KCNQ3: variants seen among roughly 807,000 people sequenced by gnomAD.
The protein encoded by KCNQ3 is potassium voltage-gated channel subfamily KQT member 3.
KCNQ3 carries 30 observed loss-of-function variants against 92.5 expected under a neutral mutation model. The ratio of observed to expected loss-of-function variants is 0.32; its 90% CI spans 0.24 to 0.44. KCNQ3 has a LOEUF of 0.44. KCNQ3 is among the 20% of genes least tolerant of loss of function. KCNQ3 has a pLI of 1.00. For synonymous variants in KCNQ3, 450 were observed against 468.8 expected, an observed-to-expected ratio of 0.96 and a Z score of 0.52; for missense variants, 913 against 1,140.3, an observed-to-expected ratio of 0.80 and a Z score of 2.87.
intron 1 of KCNQ3, among the ~76,000 whole-genome samples, chr8:132,204,910 C>G (rs1272593236): frequency 6.6e-6 from 1 of 152,214 alleles, no homozygotes; most frequent in Non-Finnish European, 1.5e-5. Context: ...ATCACCCCCT[C>G]TCTGTTTTCT....
At chr8:132,388,572 T>C (rs1015429148) in intron 1 of KCNQ3, among the ~76,000 whole-genome samples, 4 of 152,190 alleles carry the variant, frequency 2.6e-5, no homozygotes, top group Non-Finnish European at 5.9e-5. Context: ...ATGTTGCCAG[T>C]AGCATGTATA....
intron 9 of KCNQ3, among the ~76,000 whole-genome samples, chr8:132,151,035 G>T (rs1278926754): frequency 1.3e-5 from 2 of 152,126 alleles, no homozygotes; most frequent in Admixed American, 1.3e-4. Flanking sequence ...ATATAAATAG[G>T]TGGACTAAAT....
At chr8:132,183,988 A>G (rs928780326) in intron 3 of KCNQ3, among the ~76,000 whole-genome samples, 1 of 152,070 alleles carries the variant, frequency 6.6e-6, no homozygotes, top group African/African-American at 2.4e-5. Context: ...CCCAATTGCC[A>G]AGAGTGACAC....
chr8:132,394,292 A>C (rs1363803439), intron 1 of KCNQ3, among the ~76,000 whole-genome samples: 1 of 152,200 alleles, frequency 6.6e-6, no homozygotes, highest in Non-Finnish European at 1.5e-5. Context: ...GGGACTCAGG[A>C]AAGCTGAGTT....
At chr8:132,132,792 A>G (rs927110677) in intron 13 of KCNQ3, among the ~76,000 whole-genome samples, 1 of 152,218 alleles carries the variant, frequency 6.6e-6, no homozygotes, top group Non-Finnish European at 1.5e-5. Context: ...TGGAATTGAA[A>G]TGTGTGCTGA....
intron 1 of KCNQ3, among the ~76,000 whole-genome samples, chr8:132,434,319 C>A (rs1355201373): frequency 6.6e-6 from 1 of 151,384 alleles, no homozygotes; most frequent in Non-Finnish European, 1.5e-5. Flanking sequence ...CTCTGTTTTT[C>A]TTTGTAGGTT....
At chr8:132,400,370 C>T (rs1455633174) in intron 1 of KCNQ3, among the ~76,000 whole-genome samples, 1 of 152,210 alleles carries the variant, frequency 6.6e-6, no homozygotes, top group East Asian at 1.9e-4. Flanking sequence ...TTCACACATC[C>T]TTGTGCTCAA....
intron 1 of KCNQ3, among the ~76,000 whole-genome samples, chr8:132,324,707 G>A (rs1434612701): frequency 6.6e-6 from 1 of 152,194 alleles, no homozygotes; most frequent in Middle Eastern, 3.2e-3. Context: ...ATGGAGAGGG[G>A]TAAGGACAAT....
At chr8:132,368,504 A>G (rs781457502) in intron 1 of KCNQ3, among the ~76,000 whole-genome samples, 1 of 151,998 alleles carries the variant, frequency 6.6e-6, no homozygotes, top group Admixed American at 6.6e-5. Flanking sequence ...ATAAAAATAA[A>G]CAGCTGGGTG....
intron 1 of KCNQ3, among the ~76,000 whole-genome samples, chr8:132,302,123 TG>T (rs2130585996): frequency 1.3e-5 from 2 of 152,098 alleles, no homozygotes; most frequent in South Asian, 4.2e-4. Flanking sequence ...ATATACCAAG[TG>T]GGGACGAGGA....
At chr8:132,413,127 C>A (rs1207493048) in intron 1 of KCNQ3, among the ~76,000 whole-genome samples, 1 of 152,184 alleles carries the variant, frequency 6.6e-6, no homozygotes, top group East Asian at 1.9e-4. Context: ...TTTCTTCAAC[C>A]CAATCTATAT....
chr8:132,180,678 G>A (rs1826730300), intron 3 of KCNQ3, among the ~76,000 whole-genome samples: 1 of 152,126 alleles, frequency 6.6e-6, no homozygotes, highest in Non-Finnish European at 1.5e-5. Flanking sequence ...GACAGCTGCA[G>A]CTGCTCAGCC....
intron 1 of KCNQ3, among the ~76,000 whole-genome samples, chr8:132,454,002 T>C (rs1271321350): frequency 6.6e-6 from 1 of 152,190 alleles, no homozygotes; most frequent in Non-Finnish European, 1.5e-5. Context: ...TAGTCAACAG[T>C]GCTTGTTAAA....
intron 1 of KCNQ3, among the ~76,000 whole-genome samples, chr8:132,469,930 C>T (rs10217015): frequency 0.36 from 54,857 of 151,468 alleles, 10,955 homozygotes; most frequent in African/African-American, 0.54. Flanking sequence ...ACCTTCGTCT[C>T]ATCCCTGGCT....
At chr8:132,141,438 AC>A in intron 9 of KCNQ3, 107 bp from the exon 10 acceptor site, 1 of 985,088 alleles carries the variant, frequency 1.0e-6, no homozygotes, top group South Asian at 1.4e-5. Flanking sequence ...AGAAATGGGG[AC>A]CGTGCATTTC....
At chr8:132,258,797 T>A (rs1258187816) in intron 1 of KCNQ3, among the ~76,000 whole-genome samples, 1 of 152,002 alleles carries the variant, frequency 6.6e-6, no homozygotes, top group Non-Finnish European at 1.5e-5. Flanking sequence ...CTCAAGTTAC[T>A]AAAATTTGGA....
At position 132,126,599 on chromosome 8, in the gene KCNQ3, T is replaced by C. The variant is rs548891423; in HGVS notation, c.*2663A>G. On this transcript the variant is annotated 3_prime_UTR_variant, in exon 15 of 15. Transcript: ENST00000388996. ...ATTCATTCATAAAACATGTATTTTGTCTATGTCTATACTGATAAAGACAAC... is the reference window on the plus strand; with the variant it reads ...ATTCATTCATAAAACATGTATTTTGCCTATGTCTATACTGATAAAGACAAC... 5.6e-4 allele frequency: 86 copies of C among 152,230 alleles called. No individual in the cohort carries two copies. The highest frequency in any genetic ancestry group is 2.0e-3 in the African/African-American group (83 of 41,542). The allele number at this position is 152,230 out of a possible 1,614,324, so 9.4% of individuals were successfully genotyped here. A position where few individuals can be genotyped will look rare whatever the true frequency, so the allele number is the denominator to read the frequency against.
At chr8:132,180,660 G>T (rs1277083570) in intron 3 of KCNQ3, among the ~76,000 whole-genome samples, 1 of 152,032 alleles carries the variant, frequency 6.6e-6, no homozygotes, top group African/African-American at 2.4e-5. Context: ...TCACTCTGGG[G>T]CCCAGAGGAC....
intron 1 of KCNQ3, among the ~76,000 whole-genome samples, chr8:132,406,939 GA>G (rs1738471678): frequency 6.6e-6 from 1 of 152,170 alleles, no homozygotes; most frequent in South Asian, 2.1e-4. Flanking sequence ...AGGACAAAGG[GA>G]AAGTGAAGAA....
Sources: gnomAD v4.1 joint callset for allele counts (sites outside exome capture counted in the v4.1 genomes callset) on GRCh38, gnomAD v4.1.1 for gene constraint, MANE v1.5 for transcripts, NCBI Gene and HGNC (gene_info 2026-07-23, HGNC 2026-07-21) for gene names.